Variants in HEPACAM2 observed in about 807,000 individuals in gnomAD.
HEPACAM2 encodes the protein mitotic kinetics regulator.
Under a neutral mutation model 49.6 loss-of-function variants are expected in HEPACAM2, and 49 were observed. The ratio of observed to expected loss-of-function variants is 0.99; its 90% CI spans 0.78 to 1.25. The LOEUF (loss-of-function observed/expected upper bound fraction) is 1.25. HEPACAM2 is among the 50% of genes most tolerant of loss of function. HEPACAM2 has a pLI of 0.00. For missense variants in HEPACAM2, 525 were observed against 557.2 expected (o/e 0.94, Z 0.58); for synonymous variants, 197 against 202.9 (o/e 0.97, Z 0.25).
intron 8 of HEPACAM2, among the ~76,000 whole-genome samples, chr7:93,195,623 G>A (rs1341165658): frequency 6.6e-6 from 1 of 152,142 alleles, no homozygotes; most frequent in African/African-American, 2.4e-5. Context: ...ATTTGTGTTA[G>A]CTTTACTTAT....
chr7:93,196,940 A>C (rs891012779), intron 7 of HEPACAM2, among the ~76,000 whole-genome samples: 3 of 152,132 alleles, frequency 2.0e-5, no homozygotes, highest in African/African-American at 4.8e-5. Context: ...TAGCAGAACT[A>C]ATTTCTTTGA....
Position 93,215,668 on chromosome 7 carries a change from C to T in HEPACAM2, c.448G>A (p.Val150Met). 6.2e-7 allele frequency: 1 copy of T among 1,613,088 alleles called. No homozygotes were observed. The highest frequency in any genetic ancestry group is 8.5e-7 in the Non-Finnish European group (1 of 1,179,362). ...VTVDDPVTKPVVQIHPPSGAV... is the reference protein window; with the variant it reads ...VTVDDPVTKPMVQIHPPSGAV... Reference sequence around the variant, plus strand: ...CCAGAGGGAGGATGAATCTGCACCACTGGCTTTGTGACAGGATCTGCAATA... The same window carrying T: ...CCAGAGGGAGGATGAATCTGCACCATTGGCTTTGTGACAGGATCTGCAATA... The change falls in exon 3 of 10, where the codon GTG (valine) becomes ATG (methionine). Residue 150 changes from valine to methionine, a missense_variant. By Grantham distance (21) the Val-to-Met change is conservative (BLOSUM62 1). Transcript: ENST00000394468.
In HEPACAM2 at chr7:93,219,119, T is replaced by A; in HGVS notation, c.412A>T (p.Ile138Leu). ...GACTCACCATCAACCGTGACTTGTA[T>A]CTTCTGACTGGCAGATAGAGTTCCA... ...GNGTLSASQK[I>L]QVTVDDPVTK... Residue 138 changes from isoleucine (I) to leucine (L), a missense_variant, in exon 2 of 10, where the codon ATA becomes TTA. Ile to Leu is a conservative substitution (Grantham distance 5). Transcript: ENST00000394468. 1 of 1,613,814 alleles carries A rather than the reference T, an allele frequency of 6.2e-7. No homozygotes were observed. The highest frequency in any genetic ancestry group is 8.5e-7 in the Non-Finnish European group (1 of 1,179,824).
At chr7:93,228,887 G>GTA (rs1491573863), upstream of HEPACAM2, among the ~76,000 whole-genome samples, 3 of 151,174 alleles carry the variant, frequency 2.0e-5, no homozygotes, top group South Asian at 6.3e-4. Context: ...GTGTGTGTGT[G>GTA]TATGTGTGTG....
intron 4 of HEPACAM2, among the ~76,000 whole-genome samples, chr7:93,206,259 C>T (rs1794026020): frequency 6.6e-6 from 1 of 151,930 alleles, no homozygotes; most frequent in South Asian, 2.1e-4. Context: ...TGGTTTGCTA[C>T]TGGGGTGAAA....
chr7:93,211,711 C>T (rs573367399), intron 3 of HEPACAM2, among the ~76,000 whole-genome samples: 1 of 151,888 alleles, frequency 6.6e-6, no homozygotes, highest in African/African-American at 2.4e-5. Flanking sequence ...CACCAAGCAG[C>T]GGGCAGTTAT....
At chr7:93,208,991 G>T in intron 3 of HEPACAM2, 115 bp from the exon 4 acceptor site, 1 of 776,764 alleles carries the variant, frequency 1.3e-6, no homozygotes, top group Non-Finnish European at 2.0e-6. Flanking sequence ...TCTTAGAATT[G>T]GACGAGCAGG....
intron 4 of HEPACAM2, among the ~76,000 whole-genome samples, chr7:93,202,846 CTTA>C (rs1426257622): frequency 1.3e-5 from 2 of 152,118 alleles, no homozygotes; most frequent in Admixed American, 1.3e-4. Context: ...AGGCAGTAGG[CTTA>C]ATATACAATG....
At chr7:93,201,309 A>G (rs1793876942) in intron 4 of HEPACAM2, among the ~76,000 whole-genome samples, 1 of 152,012 alleles carries the variant, frequency 6.6e-6, no homozygotes, top group Non-Finnish European at 1.5e-5. Flanking sequence ...GCGCACTAAG[A>G]CCTAGTATGA....
intron 4 of HEPACAM2, among the ~76,000 whole-genome samples, chr7:93,203,597 T>C (rs1285486033): frequency 6.6e-6 from 1 of 152,086 alleles, no homozygotes; most frequent in East Asian, 1.9e-4. Flanking sequence ...GATGGACTCA[T>C]GTGCCAAAGC....
intron 3 of HEPACAM2, 63 bp from the exon 4 acceptor site, chr7:93,208,939 T>C: frequency 7.1e-7 from 1 of 1,398,658 alleles, no homozygotes. Context: ...GTTTTGAGTT[T>C]GGGAGAGCTT....
chr7:93,189,547 C>A (rs548193966), intron 9 of HEPACAM2, among the ~76,000 whole-genome samples: 1 of 151,944 alleles, frequency 6.6e-6, no homozygotes, highest in South Asian at 2.1e-4. Context: ...TAAACCCTAC[C>A]AAGAGCATTT....
rs1233518221 is a variant in HEPACAM2 at position 93,197,520 on chromosome 7, A to G, written c.1103T>C (p.Leu368Pro). 3.8e-6 allele frequency: 6 copies of G among 1,594,970 alleles called. No individual in the cohort carries two copies. The highest frequency in any genetic ancestry group is 5.1e-6 in the Non-Finnish European group (6 of 1,166,854). Residue 368 changes from leucine (L) to proline (P), a missense_variant, in exon 5 of 10, where the codon CTT becomes CCT. Coordinates refer to ENST00000394468, the MANE Select transcript of HEPACAM2 (RefSeq NM_001039372.4). ...TTGATATTTTTTCCATAGGAAGAGA[A>G]GACACATGGATATAATCAAAAATAG... is the stretch of plus-strand genomic sequence containing the variant. ...ISLFLIISMC[L>P]LFLWKKYQPY...
chr7:93,226,647 G>A (rs1372140820), upstream of HEPACAM2: 5 of 404,462 alleles, frequency 1.2e-5, no homozygotes, highest in African/African-American at 2.0e-5. Flanking sequence ...ATGGCTTTCA[G>A]AAGAGTTTCT....
chr7:93,215,780 T>TAC, intron 2 of HEPACAM2, 95 bp from the exon 3 acceptor site: 1 of 1,213,706 alleles, frequency 8.2e-7, no homozygotes, highest in South Asian at 1.5e-5. Context: ...CTGGAGAAAT[T>TAC]ATTCCAGCAT....
At chr7:93,197,038 AT>A (rs1262926788) in intron 7 of HEPACAM2, among the ~76,000 whole-genome samples, 1 of 152,066 alleles carries the variant, frequency 6.6e-6, no homozygotes, top group Non-Finnish European at 1.5e-5. Context: ...TCCAGGCCTG[AT>A]ATTACAGACT....
intron 1 of HEPACAM2, among the ~76,000 whole-genome samples, chr7:93,219,867 A>C (rs1228384527): frequency 6.6e-6 from 1 of 152,242 alleles, no homozygotes; most frequent in African/African-American, 2.4e-5. Flanking sequence ...ATTTCCTCCC[A>C]ACAGTTTCCC....
In HEPACAM2 at chr7:93,208,849, GA is replaced by G. The variant is rs766845749; in HGVS notation, c.742del (p.Ser248LeufsTer5). On this transcript the variant is annotated frameshift_variant, in exon 4 of 10. Coordinates refer to ENST00000394468, the MANE Select transcript of HEPACAM2 (RefSeq NM_001039372.4). LOFTEE classifies it high-confidence loss of function. ...YYGPYGLQVN[S>X]DKGLKVGEVF... ...TTCCCCTACTTTTAGCCCTTTATCA[GA>G]ATTCACTTGAAGTCCATAAGGTCCA... 5.3e-5 allele frequency: 85 copies of G among 1,607,228 alleles called. 2 individuals are homozygous for G. In the South Asian group the frequency reaches 9.3e-4, roughly 18 times the overall value.
chr7:93,215,273 A>G, intron 3 of HEPACAM2, 128 bp downstream of exon 3: 1 of 743,230 alleles, frequency 1.3e-6, no homozygotes. Context: ...TGTGATTAGA[A>G]CTATTGAACT....
Sources: gnomAD v4.1 joint callset for allele counts (sites outside exome capture counted in the v4.1 genomes callset) on GRCh38, gnomAD v4.1.1 for gene constraint, MANE v1.5 for transcripts, NCBI Gene and HGNC (gene_info 2026-07-23, HGNC 2026-07-21) for gene names.